The following EIF3L variants were observed in gnomAD, a reference collection of about 807,000 sequenced individuals.
The protein encoded by EIF3L is eIEF associated protein HSPC021.
In EIF3L, 32 loss-of-function variants were observed where a neutral mutation model predicts 74.6. The ratio of observed to expected loss-of-function variants is 0.43; its 90% CI spans 0.32 to 0.58. The LOEUF is 0.58. Ranked by LOEUF, EIF3L falls within the 20% of genes least tolerant of loss-of-function variation. The pLI, the probability that EIF3L is intolerant of heterozygous loss-of-function variation, is 0.06. For missense variants in EIF3L, 474 were observed against 707.8 expected (o/e 0.67, Z 3.75); for synonymous variants, 256 against 254.4 (o/e 1.01, Z -0.06).
chr22:37,875,404 A>G (rs1326883861), intron 9 of EIF3L, among the ~76,000 whole-genome samples: 1 of 151,878 alleles, frequency 6.6e-6, no homozygotes, highest in Non-Finnish European at 1.5e-5. Flanking sequence ...TTAAGTAAAG[A>G]TGTAATTCTA....
Position 37,888,444 on chromosome 22 carries a change from A to G in EIF3L, c.1675A>G (p.Lys559Glu), listed in dbSNP as rs755388764. The change falls in exon 13 of 13, where the codon AAG (lysine) becomes GAG (glutamate). Residue 559 changes from lysine to glutamate, a missense_variant. Transcript: ENST00000652021. ...KFEELNRTLK[K>E]MGQRP ...CTTCTAGCTTAATCGAACCCTGAAG[A>G]AGATGGGACAGAGACCTTGATGATA... is the stretch of plus-strand genomic sequence containing the variant. The G allele has an allele frequency of 6.2e-7, 1 of 1,613,998 alleles. No individual in the cohort carries two copies. Among genetic ancestry groups the G allele is most frequent in the South Asian group, 1.1e-5 (1 of 91,052 alleles).
rs1346418599 is a variant in EIF3L at position 37,861,807 on chromosome 22, G to A, written c.436-1162G>A. Among the ~76,000 whole-genome samples, 6 of 152,208 alleles carry A rather than the reference G, an allele frequency of 3.9e-5. No individual in the cohort carries two copies. In the East Asian group the frequency reaches 9.6e-4, roughly 24 times the overall value. The stretch of plus-strand genomic sequence containing the variant: ...TTTTTGGGAACACCATGACACCATA[G>A]CCCATAGTATAGCTGGTTTTACCAC... On this transcript the variant is annotated intron_variant, in intron 5 of 12. Transcript: ENST00000652021.
intron 3 of EIF3L, 30 bp from the exon 4 acceptor site, chr22:37,855,535 A>G: frequency 6.2e-7 from 1 of 1,603,896 alleles, no homozygotes; most frequent in Non-Finnish European, 8.5e-7. Context: ...GTCCTTTTGG[A>G]ATTTTAGAGA....
chr22:37,884,015 T>C (rs983585153), intron 11 of EIF3L: 1 of 152,134 alleles, frequency 6.6e-6, no homozygotes, highest in African/African-American at 2.4e-5. Context: ...TTCCAAAACA[T>C]TTCTGTCCCC....
chr22:37,875,930 C>T lies in EIF3L; in HGVS notation c.996C>T (p.Ala332=), dbSNP rs200310024. 4 of 1,614,046 alleles carry T rather than the reference C, an allele frequency of 2.5e-6. No individual in the cohort carries two copies. Among genetic ancestry groups the T allele is most frequent in the Admixed American group, 3.3e-5 (2 of 59,992 alleles). ...AYLMMRRYQD[A]IRVFANILLY... ...TGATGATGCGTCGTTACCAGGATGC[C>T]ATCCGGGTCTTCGCCAACATCCTCC... is the stretch of plus-strand genomic sequence containing the variant. The change falls in exon 10 of 13, where the codon GCC becomes GCT. Residue 332 remains alanine (A), a synonymous_variant. Transcript: ENST00000652021.
intron 4 of EIF3L, among the ~76,000 whole-genome samples, chr22:37,857,812 G>A (rs1185077003): frequency 6.6e-6 from 1 of 152,022 alleles, no homozygotes; most frequent in Non-Finnish European, 1.5e-5. Flanking sequence ...GGGATTACAG[G>A]CATGAGCCAC....
intron 9 of EIF3L, among the ~76,000 whole-genome samples, chr22:37,874,824 G>A (rs1926657686): frequency 6.6e-6 from 1 of 151,602 alleles, no homozygotes; most frequent in Non-Finnish European, 1.5e-5. Context: ...CGTCTCCTGG[G>A]TTCAAGCGAT....
chr22:37,851,273 C>T lies in EIF3L; in HGVS notation c.83-7C>T. 1.9e-6 allele frequency: 3 copies of T among 1,613,088 alleles called. No homozygotes were observed. The highest frequency in any genetic ancestry group is 2.5e-6 in the Non-Finnish European group (3 of 1,179,236). ...CATACTCTGTATTTGTTGTATCCAA[C>T]CTCCAGGAGATCCAAAGCAGGACCT... On this transcript the variant is annotated splice_region_variant and splice_polypyrimidine_tract_variant and intron_variant, in intron 2 of 12. Transcript: ENST00000652021.
chr22:37,872,535 C>T (rs1310021267), intron 8 of EIF3L, among the ~76,000 whole-genome samples: 2 of 152,168 alleles, frequency 1.3e-5, no homozygotes, highest in African/African-American at 2.4e-5. Context: ...TTGCCACTGA[C>T]ATCAGGTAAG....
At chr22:37,868,634 C>CTTTTTT (rs71195065) in intron 7 of EIF3L, among the ~76,000 whole-genome samples, 381 of 25,108 alleles carry the variant, frequency 0.015, 114 homozygotes, top group Middle Eastern at 0.091. Context: ...TGTTTTGGTG[C>CTTTTTT]TTTTTTTTTT....
chr22:37,886,690 C>A, intron 11 of EIF3L, 75 bp from the exon 12 acceptor site: 1 of 1,305,280 alleles, frequency 7.7e-7, no homozygotes, highest in Non-Finnish European at 1.1e-6. Flanking sequence ...ACTTGCAAGT[C>A]CATGGTGGCT....
chr22:37,876,922 C>T (rs139842), intron 10 of EIF3L: 62,932 of 151,972 alleles, frequency 0.41, 13,347 homozygotes, highest in African/African-American at 0.46. Flanking sequence ...ATAAACTGTT[C>T]TGGCTGGAGG....
chr22:37,885,092 T>A (rs1927251369), intron 11 of EIF3L: 1 of 151,854 alleles, frequency 6.6e-6, no homozygotes, highest in South Asian at 2.1e-4. Context: ...CTAATTTTTG[T>A]ATTTTTTGTA....
At chr22:37,876,911 A>G (rs1291924451) in intron 10 of EIF3L, 1 of 152,204 alleles carries the variant, frequency 6.6e-6, no homozygotes, top group Non-Finnish European at 1.5e-5. Flanking sequence ...GCAGCCGCAC[A>G]ATAAACTGTT....
intron 10 of EIF3L, chr22:37,877,243 T>C (rs183687025): frequency 1.2e-5 from 2 of 172,196 alleles, no homozygotes; most frequent in East Asian, 3.2e-4. Context: ...AAATACAGGA[T>C]TATAATCTTG....
At chr22:37,880,686 G>A (rs1927004185) in intron 11 of EIF3L, 1 of 152,132 alleles carries the variant, frequency 6.6e-6, no homozygotes, top group Admixed American at 6.6e-5. Context: ...TAGAAACAGG[G>A]TCTCACTTTG....
At position 37,877,685 on chromosome 22, in the gene EIF3L, G is replaced by A; in HGVS notation, c.1089G>A (p.Gln363=). 6.3e-7 allele frequency: 1 copy of A among 1,598,932 alleles called. No individual in the cohort carries two copies. The highest frequency in any genetic ancestry group is 8.5e-7 in the Non-Finnish European group (1 of 1,171,408). The change falls in exon 11 of 13, where the codon CAG becomes CAA. Residue 363 remains glutamine, a synonymous_variant. Transcript: ENST00000652021. ...CACCCCATCCCCAGATTAACAAGCA[G>A]AATGAGCAGATGCATGCGCTGCTGG... is the stretch of plus-strand genomic sequence containing the variant. ...TTYKYEMINK[Q]NEQMHALLAI... is the part of the protein sequence containing the mutation.
chr22:37,878,234 G>T (rs2145836372), intron 11 of EIF3L, 63 bp downstream of exon 11: 1 of 1,516,172 alleles, frequency 6.6e-7, no homozygotes, highest in Non-Finnish European at 8.8e-7. Context: ...ATTCACTATT[G>T]TGGGCACATG....
Position 37,874,459 on chromosome 22 carries a change from C to T in EIF3L, c.841C>T (p.His281Tyr). Residue 281 changes from histidine to tyrosine, a missense_variant, in exon 9 of 13, where the codon CAC (histidine) becomes TAC (tyrosine). Physicochemically the swap from His to Tyr is moderately conservative, Grantham distance 83. Around this residue, in one of 4 missense-constraint regions of EIF3L, gnomAD observed 293 missense variants for 469.1 expected, o/e 0.62. Coordinates refer to ENST00000652021, the MANE Select transcript of EIF3L (RefSeq NM_016091.4). ...CAGCCTGGTCGGGCTTCTCCGCCTGCACTCCCTGTTAGGAGATTACTACCA... is the reference window on the plus strand; with the variant it reads ...CAGCCTGGTCGGGCTTCTCCGCCTGTACTCCCTGTTAGGAGATTACTACCA... ...YFSLVGLLRL[H>Y]SLLGDYYQAI... 6.2e-7 allele frequency: 1 copy of T among 1,614,188 alleles called. No individual in the cohort carries two copies. The highest frequency in any genetic ancestry group is 8.5e-7 in the Non-Finnish European group (1 of 1,180,032).
Sources: gnomAD v4.1 joint callset for allele counts (sites outside exome capture counted in the v4.1 genomes callset) on GRCh38, gnomAD v4.1.1 for gene constraint, gnomAD v4.1.1 regional missense constraint, MANE v1.5 for transcripts, NCBI Gene and HGNC (gene_info 2026-07-23, HGNC 2026-07-21) for gene names.